Variants in TG observed in about 807,000 individuals in gnomAD.
TG encodes the protein thyroid hormones.
Under a neutral mutation model 324.7 loss-of-function variants are expected in TG, and 270 were observed. That is an observed-to-expected ratio of 0.83 (90% CI 0.75 to 0.92). The LOEUF (loss-of-function observed/expected upper bound fraction) is 0.92, where lower values mean the gene tolerates loss of function less well. Ranked by LOEUF, TG falls within the 40% of genes least tolerant of loss-of-function variation. The pLI is 0.00. For synonymous variants in TG, 1,401 were observed against 1,327.0 expected (o/e 1.06, Z -1.21); for missense variants, 3,591 against 3,456.4 (o/e 1.04, Z -0.98).
At chr8:133,062,109 CA>C (rs1842448318) in intron 41 of TG, among the ~76,000 whole-genome samples, 1 of 152,236 alleles carries the variant, frequency 6.6e-6, no homozygotes, top group African/African-American at 2.4e-5. Flanking sequence ...AAGTGAAGCG[CA>C]AATCCCATCC....
intron 43 of TG, among the ~76,000 whole-genome samples, chr8:133,105,702 T>C (rs1370282229): frequency 6.6e-6 from 1 of 152,002 alleles, no homozygotes; most frequent in Admixed American, 6.6e-5. Flanking sequence ...GGAGAGGAAA[T>C]GGCCCCACCC....
intron 41 of TG, among the ~76,000 whole-genome samples, chr8:133,034,031 C>T (rs1427547137): frequency 6.6e-6 from 1 of 152,186 alleles, no homozygotes; most frequent in Non-Finnish European, 1.5e-5. Flanking sequence ...ACACTGTTCT[C>T]TATCGTTTTT....
At chr8:133,099,276 G>A (rs761997799) in intron 43 of TG, among the ~76,000 whole-genome samples, 11 of 152,204 alleles carry the variant, frequency 7.2e-5, no homozygotes, top group Admixed American at 1.3e-4. Context: ...TAGACCGTTC[G>A]TTTCTGGCTT....
rs145482034 is a variant in TG at position 133,034,538 on chromosome 8, G to T, written c.7239+4515G>T. On this transcript the variant is annotated intron_variant, in intron 41 of 47. Transcript: ENST00000220616. ...TTTGGATTTTCTATGAAGTTTCCTC[G>T]TTATTCTGCAAATAATGGCGGGTTT... Among the ~76,000 whole-genome samples the T allele has an allele frequency of 6.2e-4, 94 of 152,252 alleles. 1 individual carries two copies. Among genetic ancestry groups the T allele is most frequent in the African/African-American group, 1.9e-3 (81 of 41,548 alleles).
chr8:133,094,638 G>A (rs1848137227), intron 41 of TG: 1 of 302,786 alleles, frequency 3.3e-6, no homozygotes, highest in East Asian at 7.9e-5. Flanking sequence ...CAGCTTGCTA[G>A]TTAAGGAGCC....
At chr8:133,057,774 C>CAAAA (rs5895173) in intron 41 of TG, among the ~76,000 whole-genome samples, 1 of 142,020 alleles carries the variant, frequency 7.0e-6, no homozygotes, top group Non-Finnish European at 1.5e-5. Context: ...AAACAAAAAA[C>CAAAA]AAAAAAAAAA....
chr8:133,131,747 T>A (rs780518747), intron 45 of TG, 65 bp from the exon 46 acceptor site: 4 of 1,601,918 alleles, frequency 2.5e-6, no homozygotes, highest in Non-Finnish European at 3.4e-6. Flanking sequence ...TGTTTGTGTG[T>A]TTGTGTTTTT....
chr8:132,974,484 A>G (rs1173789436), intron 34 of TG, among the ~76,000 whole-genome samples: 1 of 152,214 alleles, frequency 6.6e-6, no homozygotes, highest in Non-Finnish European at 1.5e-5. Flanking sequence ...CAGCGTAGAA[A>G]GTTGAATTGC....
At position 132,901,274 on chromosome 8, in the gene TG, G is replaced by A. The variant is rs958283527; in HGVS notation, c.3434-79G>A. On this transcript the variant is annotated intron_variant, in intron 15 of 47. Coordinates refer to ENST00000220616, the MANE Select transcript of TG (RefSeq NM_003235.5). ...GCAGGTGGGCTGAGGGTGGCCGTGG[G>A]TGGTGAGGAGGGTGATTGGGCATCT... is the stretch of plus-strand genomic sequence containing the variant. The A allele has an allele frequency of 2.6e-6, 4 of 1,561,222 alleles. No individual in the cohort carries two copies. In the African/African-American group the frequency reaches 4.0e-5, roughly 16 times the overall value.
intron 40 of TG, among the ~76,000 whole-genome samples, chr8:133,022,914 G>A (rs981511494): frequency 2.0e-5 from 3 of 152,128 alleles, no homozygotes; most frequent in Non-Finnish European, 2.9e-5. Context: ...TCTTGTCCTC[G>A]GTAAAATGGG....
chr8:132,929,277 C>A, intron 23 of TG, 85 bp downstream of exon 23: 1 of 976,864 alleles, frequency 1.0e-6, no homozygotes, highest in Non-Finnish European at 1.6e-6. Flanking sequence ...CCAAATCAAA[C>A]CATTAAAACT....
In TG at chr8:133,084,756, C is replaced by G. The variant is rs190458607; in HGVS notation, c.7240-10288C>G. Among the ~76,000 whole-genome samples the G allele has an allele frequency of 5.6e-4, 85 of 152,368 alleles. 2 individuals are homozygous for G. The highest frequency in any genetic ancestry group is 1.9e-3 in the African/African-American group (80 of 41,586). On this transcript the variant is annotated intron_variant, in intron 41 of 47. Transcript: ENST00000220616. ...GGAGAGACCCCTTAGAGCGCTCCCC[C>G]ACAGGGGCCTGGGAAGGCCTCCACA...
At chr8:133,077,032 A>C (rs1419013212) in intron 41 of TG, among the ~76,000 whole-genome samples, 1 of 152,086 alleles carries the variant, frequency 6.6e-6, no homozygotes, top group African/African-American at 2.4e-5. Flanking sequence ...GATGGGACCG[A>C]GGGGCGCAGA....
chr8:132,883,989 C>A (rs538082237), intron 8 of TG, among the ~76,000 whole-genome samples: 20 of 152,258 alleles, frequency 1.3e-4, no homozygotes, highest in African/African-American at 4.3e-4. Context: ...TAGTGGCTGC[C>A]AGCAATCTGT....
At chr8:132,928,678 C>A (rs1388449171) in intron 22 of TG, among the ~76,000 whole-genome samples, 1 of 152,154 alleles carries the variant, frequency 6.6e-6, no homozygotes, top group East Asian at 1.9e-4. Context: ...AAATAACTTA[C>A]CTCATTTCGG....
chr8:132,934,900 C>T (rs769574397), intron 24 of TG, among the ~76,000 whole-genome samples: 17 of 152,218 alleles, frequency 1.1e-4, no homozygotes, highest in South Asian at 2.1e-4. Flanking sequence ...TCACCATCTC[C>T]GAGCTTAAGA....
intron 27 of TG, among the ~76,000 whole-genome samples, chr8:132,950,788 A>T (rs79371027): frequency 0.024 from 3,716 of 152,292 alleles, 146 homozygotes; most frequent in African/African-American, 0.085. Flanking sequence ...GGTTGGGAGG[A>T]TAAAAGGAGA....
Position 133,134,689 on chromosome 8 carries a change from C to A in TG, c.8202C>A (p.Gly2734=). The change falls in exon 48 of 48, where the codon GGC becomes GGA. Residue 2734 remains glycine, a synonymous_variant. Transcript: ENST00000220616. ...SLKTSADGAK[G]GQSAESEEEE... is the part of the protein sequence containing the mutation. ...CCTCTGTTTCAGATGGAGCCAAGGG[C>A]GGGCAGTCAGCAGAGAGTGAAGAGG... The A allele has an allele frequency of 6.2e-7, 1 of 1,613,918 alleles. No homozygotes were observed. Among genetic ancestry groups the A allele is most frequent in the Non-Finnish European group, 8.5e-7 (1 of 1,179,880 alleles).
chr8:132,962,402 C>T (rs1003671633), intron 28 of TG, among the ~76,000 whole-genome samples: 4 of 152,090 alleles, frequency 2.6e-5, no homozygotes, highest in Admixed American at 6.5e-5. Flanking sequence ...GATCCCAAGT[C>T]CAGTACTTCC....
Sources: gnomAD v4.1 joint callset for allele counts (sites outside exome capture counted in the v4.1 genomes callset) on GRCh38, gnomAD v4.1.1 for gene constraint, MANE v1.5 for transcripts, NCBI Gene and HGNC (gene_info 2026-07-23, HGNC 2026-07-21) for gene names.